The following ADCY5 variants were observed in gnomAD, a reference collection of about 807,000 sequenced individuals.
The protein encoded by ADCY5 is adenylate cyclase type 5.
A neutral mutation model predicts 119.7 loss-of-function variants in ADCY5; 30 were observed. That is an observed-to-expected ratio of 0.25 (90% CI 0.19 to 0.34). The LOEUF is 0.34. Among genes scored for constraint, ADCY5 ranks in the 10% least tolerant of loss-of-function variants. The pLI, the probability that ADCY5 is intolerant of heterozygous loss-of-function variation, is 1.00. For missense variants in ADCY5, 1,324 were observed against 1,775.2 expected (o/e 0.75, Z 4.57); for synonymous variants, 753 against 762.2 (o/e 0.99, Z 0.20).
chr3:123,442,517 ACT>A (rs1945741510), intron 1 of ADCY5, among the ~76,000 whole-genome samples: 2 of 152,010 alleles, frequency 1.3e-5, no homozygotes, highest in South Asian at 4.2e-4. Context: ...TGATTTTGAA[ACT>A]CTCTGTGAGG....
chr3:123,411,923 G>A (rs1007078069), intron 1 of ADCY5, among the ~76,000 whole-genome samples: 3 of 152,108 alleles, frequency 2.0e-5, no homozygotes, highest in Non-Finnish European at 2.9e-5. Flanking sequence ...GTCCATCCCC[G>A]CAGCCTGTGG....
At position 123,396,797 on chromosome 3, in the gene ADCY5, GGC is replaced by G. The variant is rs1452665055; in HGVS notation, c.1135-44218_1135-44217del. On this transcript the variant is annotated intron_variant, in intron 1 of 20. Transcript: ENST00000462833. ...AGGAAGGAAGGCAGGCAGGCAGGCA[GGC>G]AGGCAGGCAGGCAGGCAGGCGAGAG... 7.1e-4 allele frequency among the ~76,000 whole-genome samples: 69 copies of G among 96,824 alleles called. 3 individuals are homozygous for G. Among genetic ancestry groups the G allele is most frequent in the African/African-American group, 2.2e-3 (65 of 29,430 alleles). 63.5% of individuals were successfully genotyped at this position (96,824 alleles called of 152,430 possible).
At chr3:123,301,338 C>G (rs1318055249) in intron 14 of ADCY5, among the ~76,000 whole-genome samples, 2 of 152,136 alleles carry the variant, frequency 1.3e-5, no homozygotes, top group Admixed American at 6.5e-5. Context: ...GCCAAGGGCC[C>G]CTGGGTGATT....
chr3:123,350,635 C>T (rs1942792890), intron 2 of ADCY5, among the ~76,000 whole-genome samples: 1 of 152,230 alleles, frequency 6.6e-6, no homozygotes, highest in Non-Finnish European at 1.5e-5. Flanking sequence ...GCCCCAGCAG[C>T]TCTTTCTGCA....
chr3:123,328,621 A>G, intron 6 of ADCY5, 23 bp downstream of exon 6: 1 of 1,611,930 alleles, frequency 6.2e-7, no homozygotes, highest in Non-Finnish European at 8.5e-7. Flanking sequence ...CGGGGCCCCA[A>G]GCCACCCACA....
chr3:123,335,279 C>A (rs371876426), intron 3 of ADCY5, among the ~76,000 whole-genome samples: 1 of 152,184 alleles, frequency 6.6e-6, no homozygotes, highest in South Asian at 2.1e-4. Context: ...GGTGCCTCCC[C>A]CTTGGCCTCT....
rs370497825 is a variant in ADCY5 at position 123,330,872 on chromosome 3, G to A, written c.1646+17C>T. 1.4e-5 allele frequency: 22 copies of A among 1,597,868 alleles called. No homozygotes were observed. The highest frequency in any genetic ancestry group is 4.0e-5 in the African/African-American group (3 of 74,294). On this transcript the variant is annotated intron_variant, in intron 5 of 20. Transcript: ENST00000462833. Reference sequence around the variant, plus strand: ...AGTCCCAGGGAGGGAGACGGTACCCGGGGGGTGGACACTTACGAGATGGCC... The same window carrying A: ...AGTCCCAGGGAGGGAGACGGTACCCAGGGGGTGGACACTTACGAGATGGCC...
intron 1 of ADCY5, among the ~76,000 whole-genome samples, chr3:123,405,525 C>T (rs1455324081): frequency 6.6e-6 from 1 of 152,244 alleles, no homozygotes; most frequent in East Asian, 1.9e-4. Flanking sequence ...GGAGAGGTGC[C>T]TCCTGCCAGG....
chr3:123,415,901 TAA>T (rs1945173237), intron 1 of ADCY5, among the ~76,000 whole-genome samples: 2 of 152,124 alleles, frequency 1.3e-5, no homozygotes, highest in South Asian at 4.1e-4. Flanking sequence ...GAATTTGCTT[TAA>T]TATACTTCAG....
At position 123,390,832 on chromosome 3, in the gene ADCY5, C is replaced by T. The variant is rs76339896; in HGVS notation, c.1135-38251G>A. The stretch of plus-strand genomic sequence containing the variant: ...AGGACAGCAGGCTGAGGTCTGCATC[C>T]CCGAGGGTTCATCTCTGAGGTCTGC... On this transcript the variant is annotated intron_variant, in intron 1 of 20. Coordinates refer to ENST00000462833, the MANE Select transcript of ADCY5 (RefSeq NM_183357.3). Among the ~76,000 whole-genome samples, 910 of 152,350 alleles carry T rather than the reference C, an allele frequency of 6.0e-3. 25 individuals are homozygous for T. The highest frequency in any genetic ancestry group is 0.046 in the East Asian group (241 of 5,188).
At position 123,304,161 on chromosome 3, in the gene ADCY5, G is replaced by T. The variant is rs113278215; in HGVS notation, c.2465C>A (p.Thr822Asn). 1.3e-6 allele frequency: 2 copies of T among 1,514,276 alleles called. No individual in the cohort carries two copies. The highest frequency in any genetic ancestry group is 2.6e-5 in the East Asian group (1 of 38,858). The allele number at this position is 1,514,276 out of a possible 1,614,324, so 93.8% of individuals were successfully genotyped here. Residue 822 changes from threonine to asparagine, a missense_variant, in exon 13 of 21, where the codon ACC becomes AAC. Thr to Asn is a moderately conservative substitution (Grantham distance 65). Coordinates refer to ENST00000462833, the MANE Select transcript of ADCY5 (RefSeq NM_183357.3). ...CVKLFPSPLQ[T>N]LSRKIVRSKM... ...GGACCGCACGATCTTCCTGGAGAGGGTCTGCAGTGGGGAGGGGAAGAGCTA... is the reference window on the plus strand; with the variant it reads ...GGACCGCACGATCTTCCTGGAGAGGTTCTGCAGTGGGGAGGGGAAGAGCTA...
At position 123,448,525 on chromosome 3, in the gene ADCY5, C is replaced by T. The variant is rs1945873441; in HGVS notation, c.21G>A (p.Val7=). 1 of 1,265,424 alleles carries T rather than the reference C, an allele frequency of 7.9e-7. No individual in the cohort carries two copies. The highest frequency in any genetic ancestry group is 9.9e-7 in the Non-Finnish European group (1 of 1,006,848). 78.4% of individuals were successfully genotyped at this position (1,265,424 alleles called of 1,614,324 possible). ...TCTGCGCCGCGTAGCCCGGGGGGCT[C>T]ACGCTTTTGGAGCCGGACATCCCCC... MSGSKS[V]SPPGYAAQKT... The change falls in exon 1 of 21, where the codon GTG becomes GTA. Residue 7 remains valine (V), a synonymous_variant. Coordinates refer to ENST00000462833, the MANE Select transcript of ADCY5 (RefSeq NM_183357.3).
chr3:123,438,499 T>C (rs1945664330), intron 1 of ADCY5, among the ~76,000 whole-genome samples: 1 of 152,080 alleles, frequency 6.6e-6, no homozygotes, highest in Non-Finnish European at 1.5e-5. Flanking sequence ...CCATTCTGAG[T>C]AGAGTGATGA....
At chr3:123,440,082 T>C (rs543624238) in intron 1 of ADCY5, among the ~76,000 whole-genome samples, 18 of 152,234 alleles carry the variant, frequency 1.2e-4, no homozygotes, top group Non-Finnish European at 2.4e-4. Context: ...CGGCAGAGCT[T>C]AGAGTCTGCG....
At chr3:123,322,380 C>G (rs921121348) in intron 8 of ADCY5, among the ~76,000 whole-genome samples, 1 of 152,228 alleles carries the variant, frequency 6.6e-6, no homozygotes, top group African/African-American at 2.4e-5. Context: ...GAGGCTGGTG[C>G]ATGGGACCCA....
intron 1 of ADCY5, among the ~76,000 whole-genome samples, chr3:123,398,959 CCT>C (rs1944680581): frequency 2.0e-5 from 3 of 152,166 alleles, no homozygotes; most frequent in Admixed American, 6.5e-5. Flanking sequence ...TCGAGAATCC[CCT>C]GTTGGACTGG....
chr3:123,425,095 C>G lies in ADCY5; in HGVS notation c.1134+22317G>C, dbSNP rs549974034. Among the ~76,000 whole-genome samples, 5 of 145,886 alleles carry G rather than the reference C, an allele frequency of 3.4e-5. No individual in the cohort carries two copies. The South Asian group carries it at 1.2e-3, about 34-fold the overall frequency. ...CTCTCAATGTTAGGGTAACTGAGCA[C>G]TGCAGAGAGGGGCCCATCCTGGTGC... On this transcript the variant is annotated intron_variant, in intron 1 of 20. Coordinates refer to ENST00000462833, the MANE Select transcript of ADCY5 (RefSeq NM_183357.3).
chr3:123,284,541 G>A lies in ADCY5; in HGVS notation c.*67C>T, dbSNP rs185938307. On this transcript the variant is annotated 3_prime_UTR_variant, in exon 21 of 21. Coordinates refer to ENST00000462833, the MANE Select transcript of ADCY5 (RefSeq NM_183357.3). The stretch of plus-strand genomic sequence containing the variant: ...GGAGCATGGCTTCCCCGCCACCCCC[G>A]GCACACAGAGAAGCTGCTTCCATGC... 28 of 1,598,394 alleles carry A rather than the reference G, an allele frequency of 1.8e-5. No homozygotes were observed. The highest frequency in any genetic ancestry group is 1.7e-4 in the African/African-American group (13 of 74,842).
At chr3:123,376,592 A>G (rs954192656) in intron 1 of ADCY5, among the ~76,000 whole-genome samples, 3 of 152,172 alleles carry the variant, frequency 2.0e-5, no homozygotes, top group Non-Finnish European at 4.4e-5. Context: ...AATCACCGCC[A>G]GCCAATGGGC....
Sources: allele counts gnomAD v4.1 joint callset (sites outside exome capture counted in the v4.1 genomes callset), GRCh38; gene constraint gnomAD v4.1.1; transcripts MANE v1.5; gene names NCBI Gene and HGNC (gene_info 2026-07-23, HGNC 2026-07-21).